GPR149: variants seen among roughly 807,000 people sequenced by gnomAD.
GPR149 encodes G protein-coupled receptor 149.
In GPR149, 50 loss-of-function variants were observed where a neutral mutation model predicts 50.2. That is an observed-to-expected ratio of 1.00 (90% CI 0.79 to 1.26). GPR149 has a LOEUF of 1.26. Ranked by LOEUF, GPR149 falls within the 50% of genes most tolerant of loss-of-function variation. GPR149 has a pLI of 0.00. For missense variants in GPR149, 983 were observed against 895.4 expected, an observed-to-expected ratio of 1.10 and a Z score of -1.25; for synonymous variants, 405 against 358.2, an observed-to-expected ratio of 1.13 and a Z score of -1.48.
intron 3 of GPR149, among the ~76,000 whole-genome samples, chr3:154,370,020 T>C (rs1333816195): frequency 6.6e-6 from 1 of 152,174 alleles, no homozygotes; most frequent in African/African-American, 2.4e-5. Flanking sequence ...ATTTGCTAAC[T>C]TGCATTTTAG....
intron 3 of GPR149, among the ~76,000 whole-genome samples, chr3:154,393,433 A>G (rs1715215134): frequency 6.6e-6 from 1 of 152,078 alleles, no homozygotes; most frequent in South Asian, 2.1e-4. Context: ...TTACCTTAAC[A>G]TGAAAAGCCA....
chr3:154,399,377 G>T (rs568416176), intron 3 of GPR149, among the ~76,000 whole-genome samples: 1 of 152,046 alleles, frequency 6.6e-6, no homozygotes, highest in Admixed American at 6.6e-5. Flanking sequence ...ACTAGAAAAC[G>T]AATAAATGCT....
intron 3 of GPR149, among the ~76,000 whole-genome samples, chr3:154,418,952 A>G (rs1270010581): frequency 6.6e-6 from 1 of 152,116 alleles, no homozygotes; most frequent in Non-Finnish European, 1.5e-5. Flanking sequence ...GGTTATACAA[A>G]AAATGTCAGT....
intron 3 of GPR149, among the ~76,000 whole-genome samples, chr3:154,391,298 T>C (rs1715163457): frequency 1.3e-5 from 2 of 150,830 alleles, no homozygotes; most frequent in African/African-American, 4.9e-5. Flanking sequence ...ATCAAGAACA[T>C]AACGTGTGTG....
chr3:154,378,470 T>C (rs1714845873), intron 3 of GPR149, among the ~76,000 whole-genome samples: 3 of 152,186 alleles, frequency 2.0e-5, no homozygotes, highest in Admixed American at 1.3e-4. Flanking sequence ...TTATGAACAA[T>C]GCTGTTGTAA....
At chr3:154,428,292 T>A (rs1712367124) in intron 1 of GPR149, among the ~76,000 whole-genome samples, 1 of 152,190 alleles carries the variant, frequency 6.6e-6, no homozygotes, top group African/African-American at 2.4e-5. Flanking sequence ...AAAAACCTTT[T>A]AATTCCCTCT....
chr3:154,419,012 T>A (rs954666275), intron 3 of GPR149, among the ~76,000 whole-genome samples: 2 of 152,066 alleles, frequency 1.3e-5, no homozygotes, highest in Admixed American at 1.3e-4. Context: ...GATAGTATTT[T>A]ATTTAATTTT....
chr3:154,419,406 G>T (rs1182136429), intron 3 of GPR149, among the ~76,000 whole-genome samples: 1 of 151,870 alleles, frequency 6.6e-6, no homozygotes, highest in Non-Finnish European at 1.5e-5. Context: ...TTAAGTTGTG[G>T]TATTTTAGAT....
At chr3:154,413,738 C>T (rs1711907455) in intron 3 of GPR149, among the ~76,000 whole-genome samples, 1 of 151,684 alleles carries the variant, frequency 6.6e-6, no homozygotes, top group Non-Finnish European at 1.5e-5. Context: ...CTATAGAAAA[C>T]AGTGTGGAGA....
chr3:154,399,705 G>T (rs1174352448), intron 3 of GPR149, among the ~76,000 whole-genome samples: 1 of 152,154 alleles, frequency 6.6e-6, no homozygotes, highest in Admixed American at 6.5e-5. Context: ...AGAAGTTGAA[G>T]GCATGGCCTG....
intron 3 of GPR149, among the ~76,000 whole-genome samples, chr3:154,365,738 C>A (rs974122138): frequency 4.6e-5 from 7 of 152,148 alleles, no homozygotes; most frequent in African/African-American, 1.7e-4. Context: ...CAGTTCTTTG[C>A]CACTTTGTAA....
rs1039624557 is a variant in GPR149 at position 154,354,704 on chromosome 3, C to G, written c.1624-16433G>C. 5 of 514,962 alleles carry G rather than the reference C, an allele frequency of 9.7e-6. No homozygotes were observed. In the Admixed American group the frequency reaches 1.9e-4, roughly 20 times the overall value. 31.9% of individuals were successfully genotyped at this position (514,962 alleles called of 1,614,324 possible). ...CAAAGAGTATAGTACAAATTAGGTT[C>G]AATAAATACCTTTTGCCTGTCCTTC... On this transcript the variant is annotated intron_variant, in intron 3 of 3. Coordinates refer to ENST00000389740, the MANE Select transcript of GPR149 (RefSeq NM_001038705.3).
At chr3:154,351,124 G>T (rs1420504626) in intron 3 of GPR149, among the ~76,000 whole-genome samples, 1 of 151,770 alleles carries the variant, frequency 6.6e-6, no homozygotes, top group Non-Finnish European at 1.5e-5. Context: ...TTTCAATATA[G>T]CTATAATAAT....
intron 3 of GPR149, chr3:154,354,809 C>G: frequency 1.7e-6 from 1 of 605,998 alleles, no homozygotes; most frequent in Non-Finnish European, 2.4e-6. Context: ...TTACTGGCCA[C>G]CACCTCCCTC....
At chr3:154,354,790 TCCCAGGCA>T in intron 3 of GPR149, 1 of 681,086 alleles carries the variant, frequency 1.5e-6, no homozygotes, top group Non-Finnish European at 2.1e-6. Context: ...CCAAGGAGTT[TCCCAGGCA>T]TTACTGGCCA....
rs370321628 is a variant in GPR149 at position 154,402,751 on chromosome 3, C to G, written c.1623+18288G>C. ...TGTCTATATCCTGTACACTTTTTTT[C>G]TCACTGAAGTACAGCTAATTGTTTG... On this transcript the variant is annotated intron_variant, in intron 3 of 3. Transcript: ENST00000389740. Among the ~76,000 whole-genome samples the G allele has an allele frequency of 2.4e-3, 345 of 144,006 alleles. 1 individual carries two copies. Among genetic ancestry groups the G allele is most frequent in the African/African-American group, 8.0e-3 (316 of 39,334 alleles). 94.5% of individuals were successfully genotyped at this position (144,006 alleles called of 152,430 possible). A position where few individuals can be genotyped will look rare whatever the true frequency, so the allele number is the denominator to read the frequency against.
intron 3 of GPR149, among the ~76,000 whole-genome samples, chr3:154,346,502 G>T (rs1322021497): frequency 6.6e-6 from 1 of 152,044 alleles, no homozygotes; most frequent in African/African-American, 2.4e-5. Context: ...TTCATCAAGG[G>T]TCTGTAAGAG....
intron 3 of GPR149, among the ~76,000 whole-genome samples, chr3:154,355,303 G>C (rs1714192687): frequency 6.6e-6 from 1 of 152,190 alleles, no homozygotes; most frequent in African/African-American, 2.4e-5. Flanking sequence ...TGGGATTATA[G>C]GTGTGAGCCA....
At chr3:154,365,566 T>A (rs912273683) in intron 3 of GPR149, among the ~76,000 whole-genome samples, 1 of 152,170 alleles carries the variant, frequency 6.6e-6, no homozygotes, top group African/African-American at 2.4e-5. Flanking sequence ...GTAAATTCAA[T>A]CTCGAGCATT....
Sources: allele counts gnomAD v4.1 joint callset (sites outside exome capture counted in the v4.1 genomes callset), GRCh38; gene constraint gnomAD v4.1.1; transcripts MANE v1.5; gene names NCBI Gene and HGNC (gene_info 2026-07-23, HGNC 2026-07-21).